Variants in TTC7A observed in about 807,000 individuals in gnomAD.
TTC7A encodes tetratricopeptide repeat protein 7A.
A neutral mutation model predicts 103.7 loss-of-function variants in TTC7A; 110 were observed. The observed-to-expected ratio is 1.06, with a 90% CI of 0.91 to 1.24. The LOEUF (loss-of-function observed/expected upper bound fraction) is 1.24, where lower values mean the gene tolerates loss of function less well. Among genes scored for constraint, TTC7A ranks in the 50% most tolerant of loss-of-function variants. TTC7A has a pLI of 0.00. For missense variants in TTC7A, 1,340 were observed against 1,116.3 expected (o/e 1.20, Z -2.86); for synonymous variants, 521 against 467.9 (o/e 1.11, Z -1.47).
intron 1 of TTC7A, among the ~76,000 whole-genome samples, chr2:46,946,713 C>T (rs546732229): frequency 6.6e-6 from 1 of 152,340 alleles, no homozygotes; most frequent in Non-Finnish European, 1.5e-5. Context: ...TAAGCCACCA[C>T]AGCAGGCCTG....
intron 2 of TTC7A, among the ~76,000 whole-genome samples, chr2:46,931,692 T>TAATAAATAAATA (rs10524721): frequency 0.08 from 11,810 of 148,514 alleles, 596 homozygotes; most frequent in African/African-American, 0.11. Context: ...AAACAGACAA[T>TAATAAATAAATA]AATAAATAAA....
chr2:46,939,802 A>T (rs1051654617), upstream of TTC7A, among the ~76,000 whole-genome samples: 2 of 152,194 alleles, frequency 1.3e-5, no homozygotes, highest in Admixed American at 6.5e-5. Context: ...AAGGCAGCCA[A>T]AGGGTAACAA....
At chr2:46,918,086 C>T (rs1186566874) in intron 2 of TTC7A, among the ~76,000 whole-genome samples, 1 of 152,174 alleles carries the variant, frequency 6.6e-6, no homozygotes, top group Non-Finnish European at 1.5e-5. Context: ...ATTCCTGGCT[C>T]CTGTAAATAA....
intron 3 of TTC7A, among the ~76,000 whole-genome samples, chr2:46,974,365 G>A (rs911650209): frequency 6.6e-6 from 1 of 152,240 alleles, no homozygotes; most frequent in East Asian, 1.9e-4. Flanking sequence ...AGCTGGCACC[G>A]TCACGGGCAG....
Position 47,051,775 on chromosome 2 carries a change from T to G in TTC7A, c.2047T>G (p.Ser683Ala). The G allele has an allele frequency of 6.2e-7, 1 of 1,611,122 alleles. No homozygotes were observed. Among genetic ancestry groups the G allele is most frequent in the Non-Finnish European group, 8.5e-7 (1 of 1,179,584 alleles). The change falls in exon 18 of 20, where the codon TCC (serine) becomes GCC (alanine). Residue 683 changes from serine (S) to alanine (A), a missense_variant. Physicochemically the swap from Ser to Ala is moderately conservative, Grantham distance 99 (BLOSUM62 1). Transcript: ENST00000319190. Reference sequence around the variant, plus strand: ...CCGGCGGGCTTCGTCCATCGCCGCCTCCCGGCTGGAGGAGGCCATGTCAGA... The same window carrying G: ...CCGGCGGGCTTCGTCCATCGCCGCCGCCCGGCTGGAGGAGGCCATGTCAGA... ...GSRRASSIAA[S>A]RLEEAMSELT... is the part of the protein sequence containing the mutation.
intron 19 of TTC7A, among the ~76,000 whole-genome samples, chr2:47,061,325 G>T (rs1449296800): frequency 6.6e-6 from 1 of 152,168 alleles, no homozygotes; most frequent in Non-Finnish European, 1.5e-5. Flanking sequence ...TTGCCCTGAA[G>T]GCTAATCCAG....
chr2:47,037,388 T>G (rs1321430102), intron 15 of TTC7A, among the ~76,000 whole-genome samples: 2 of 152,184 alleles, frequency 1.3e-5, no homozygotes, highest in African/African-American at 4.8e-5. Flanking sequence ...AAGAGAACCA[T>G]GCGGGGATTT....
chr2:47,001,606 C>T (rs1163425272), intron 8 of TTC7A, among the ~76,000 whole-genome samples: 2 of 152,136 alleles, frequency 1.3e-5, no homozygotes, highest in South Asian at 2.1e-4. Context: ...CCTGTAATCC[C>T]AGCACTTTGG....
chr2:46,996,007 A>T (rs539979474), intron 8 of TTC7A, among the ~76,000 whole-genome samples: 1 of 152,386 alleles, frequency 6.6e-6, no homozygotes, highest in South Asian at 2.1e-4. Flanking sequence ...CCCATTGCTC[A>T]TGTCCTGGGC....
intron 8 of TTC7A, chr2:47,000,025 T>C: frequency 2.2e-6 from 1 of 444,632 alleles, no homozygotes; most frequent in Non-Finnish European, 3.0e-6. Context: ...CTTACCACCC[T>C]GAGCCTCGGT....
At chr2:46,972,491 T>C (rs1673454285) in intron 3 of TTC7A, among the ~76,000 whole-genome samples, 1 of 152,216 alleles carries the variant, frequency 6.6e-6, no homozygotes, top group Non-Finnish European at 1.5e-5. Context: ...CTCTAACATT[T>C]CTAAGCTGAT....
intron 5 of TTC7A, among the ~76,000 whole-genome samples, chr2:46,981,846 G>C (rs952382636): frequency 6.6e-6 from 1 of 152,240 alleles, no homozygotes; most frequent in Admixed American, 6.5e-5. Flanking sequence ...GGAAGAGAAG[G>C]AGGTGGAGTT....
At chr2:46,970,077 C>T (rs1384492316) in intron 3 of TTC7A, among the ~76,000 whole-genome samples, 1 of 152,126 alleles carries the variant, frequency 6.6e-6, no homozygotes, top group East Asian at 1.9e-4. Context: ...GCAGCCTCCA[C>T]CTCCCGGGCT....
intron 5 of TTC7A, 67 bp downstream of exon 5, chr2:46,978,974 T>A: frequency 8.7e-7 from 1 of 1,146,302 alleles, no homozygotes; most frequent in Non-Finnish European, 1.3e-6. Flanking sequence ...GACGTGGCCT[T>A]AAGGCTGCTC....
At chr2:46,949,545 T>G (rs144980781) in intron 1 of TTC7A, among the ~76,000 whole-genome samples, 25 of 152,270 alleles carry the variant, frequency 1.6e-4, no homozygotes, top group African/African-American at 4.8e-4. Flanking sequence ...CCAAGCAGTA[T>G]AAAACCACCT....
At chr2:47,027,685 A>T (rs1477033604) in intron 14 of TTC7A, among the ~76,000 whole-genome samples, 1 of 152,208 alleles carries the variant, frequency 6.6e-6, no homozygotes, top group Non-Finnish European at 1.5e-5. Flanking sequence ...ATCAGCTCAG[A>T]TGACAGGCAG....
chr2:47,034,756 A>G (rs1680925773), intron 15 of TTC7A, among the ~76,000 whole-genome samples: 1 of 152,054 alleles, frequency 6.6e-6, no homozygotes, highest in Admixed American at 6.5e-5. Flanking sequence ...ACCCCCTGGA[A>G]CCTCCGTCGG....
intron 2 of TTC7A, among the ~76,000 whole-genome samples, chr2:46,920,271 A>ATGT (rs1186804321): frequency 1.3e-5 from 2 of 152,002 alleles, no homozygotes; most frequent in South Asian, 2.1e-4. Context: ...CTTTCTCATC[A>ATGT]TGTTGTTGTT....
intron 14 of TTC7A, among the ~76,000 whole-genome samples, chr2:47,026,583 G>A: frequency 6.6e-6 from 1 of 152,198 alleles, no homozygotes; most frequent in East Asian, 1.9e-4. Flanking sequence ...CTGCAGGGAT[G>A]GAACGCTGAC....
Sources: allele counts gnomAD v4.1 joint callset (sites outside exome capture counted in the v4.1 genomes callset), GRCh38; gene constraint gnomAD v4.1.1; transcripts MANE v1.5; gene names NCBI Gene and HGNC (gene_info 2026-07-23, HGNC 2026-07-21).